The following COQ4 variants were observed in gnomAD, a reference collection of about 807,000 sequenced individuals.
The protein encoded by COQ4 is coenzyme Q4.
Under a neutral mutation model 30.2 loss-of-function variants are expected in COQ4, and 36 were observed. The observed-to-expected ratio is 1.19, with a 90% CI of 0.91 to 1.57. COQ4 has a LOEUF of 1.57. Ranked by LOEUF, COQ4 falls within the 40% of genes most tolerant of loss-of-function variation. The pLI is 0.00. For missense variants in COQ4, 369 were observed against 371.9 expected (o/e 0.99, Z 0.07); for synonymous variants, 197 against 161.0 (o/e 1.22, Z -1.69).
rs942968471 is a variant in COQ4, at chr9:128,333,475, A to G, written c.628A>G (p.Ser210Gly). ...FFGPIRLGAQSLQVLVSELIP... is the reference protein window; with the variant it reads ...FFGPIRLGAQGLQVLVSELIP... ...TCTTTTTCCTCTGCTGCCCCACAGG[A>G]GCCTGCAAGTGCTGGTCTCGGAGTT... The change falls in exon 7 of 7, where the codon AGC becomes GGC. Residue 210 changes from serine (S) to glycine (G), a missense_variant and splice_region_variant. By Grantham distance (56) the Ser-to-Gly change is moderately conservative. Coordinates refer to ENST00000300452, the MANE Select transcript of COQ4 (RefSeq NM_016035.5). 6 of 1,523,024 alleles carry G rather than the reference A, an allele frequency of 3.9e-6. No individual in the cohort carries two copies. The African/African-American group carries it at 8.4e-5, about 21-fold the overall frequency. The allele number at this position is 1,523,024 out of a possible 1,614,324, so 94.3% of individuals were successfully genotyped here. A position where few individuals can be genotyped will look rare whatever the true frequency, so the allele number is the denominator to read the frequency against.
intron 4 of COQ4, among the ~76,000 whole-genome samples, chr9:128,330,052 G>A (rs1333080171): frequency 3.3e-5 from 5 of 152,130 alleles, no homozygotes; most frequent in African/African-American, 1.2e-4. Context: ...TAGCAGACAG[G>A]CTGTCTGGAT....
intron 2 of COQ4, 125 bp downstream of exon 2, chr9:128,323,272 T>A (rs761256371): frequency 3.1e-6 from 3 of 952,574 alleles, no homozygotes; most frequent in Non-Finnish European, 4.5e-6. Context: ...GGAACGTTTA[T>A]GAAAATGCAG....
intron 4 of COQ4, chr9:128,331,926 A>G (rs1010853960): frequency 4.0e-5 from 17 of 424,196 alleles, no homozygotes; most frequent in African/African-American, 3.4e-4. Flanking sequence ...ACAGGGTTTC[A>G]CCGTATTGGT....
chr9:128,330,413 G>A (rs1041889064), intron 4 of COQ4: 2 of 152,022 alleles, frequency 1.3e-5, no homozygotes, highest in South Asian at 2.1e-4. Flanking sequence ...ATGTGAGCAC[G>A]TAGGTAATTT....
At chr9:128,328,120 G>A (rs1043964864) in intron 4 of COQ4, among the ~76,000 whole-genome samples, 1 of 152,276 alleles carries the variant, frequency 6.6e-6, no homozygotes, top group Non-Finnish European at 1.5e-5. Context: ...CAGTGTGGCC[G>A]CAGAGGAGGG....
In COQ4 at chr9:128,323,056, A is replaced by G. The variant is rs754915554; in HGVS notation, c.111A>G (p.Leu37=). The G allele has an allele frequency of 2.5e-6, 4 of 1,612,038 alleles. No homozygotes were observed. In the Admixed American group the frequency reaches 5.0e-5, roughly 20 times the overall value. Reference sequence around the variant, plus strand: ...CTAGGAGCGACGGCGCCGGCCCGCTATACTCGCACCACCTCCCCACCTCCC... The same window carrying G: ...CTAGGAGCGACGGCGCCGGCCCGCTGTACTCGCACCACCTCCCCACCTCCC... The part of the protein sequence containing the change: ...LRARSDGAGP[L]YSHHLPTSPL... Residue 37 remains leucine, a synonymous_variant, in exon 2 of 7, where the codon CTA becomes CTG. Coordinates refer to ENST00000300452, the MANE Select transcript of COQ4 (RefSeq NM_016035.5).
At chr9:128,326,550 C>T (rs1385143249) in intron 4 of COQ4, 2 of 152,170 alleles carry the variant, frequency 1.3e-5, no homozygotes, top group African/African-American at 4.8e-5. Context: ...ACACGCCATT[C>T]TCCTGCCTCA....
In COQ4 at chr9:128,332,151, A is replaced by C; in HGVS notation, c.403-2A>C. On this transcript the variant is annotated splice_acceptor_variant, in intron 4 of 6. Coordinates refer to ENST00000300452, the MANE Select transcript of COQ4 (RefSeq NM_016035.5). LOFTEE classifies it high-confidence loss of function. ...GTTCTAGGGGAGGCTCATGGTTGTC[A>C]GAGGGTCTCCCCAGACACCCGAGCA... The C allele has an allele frequency of 6.4e-7, 1 of 1,562,762 alleles. No homozygotes were observed. The highest frequency in any genetic ancestry group is 8.7e-7 in the Non-Finnish European group (1 of 1,153,156).
At position 128,332,180 on chromosome 9, in the gene COQ4, A is replaced by T; in HGVS notation, c.430A>T (p.Thr144Ser). Residue 144 changes from threonine to serine, a missense_variant, in exon 5 of 7, where the codon ACC becomes TCC. Thr to Ser is a moderately conservative substitution (Grantham distance 58). Coordinates refer to ENST00000300452, the MANE Select transcript of COQ4 (RefSeq NM_016035.5). ...GGTCTCCCCAGACACCCGAGCACCC[A>T]CCCGCTTCGTGGATGATGAGGAGCT... ...NRVSPDTRAP[T>S]RFVDDEELAY... 1 of 1,589,522 alleles carries T rather than the reference A, an allele frequency of 6.3e-7. No homozygotes were observed. Among genetic ancestry groups the T allele is most frequent in the Non-Finnish European group, 8.6e-7 (1 of 1,167,968 alleles).
intron 4 of COQ4, among the ~76,000 whole-genome samples, chr9:128,328,550 G>A (rs1000153078): frequency 3.3e-5 from 5 of 152,160 alleles, no homozygotes; most frequent in African/African-American, 1.2e-4. Flanking sequence ...GATGCCAGGA[G>A]CACCCCCCCG....
intron 2 of COQ4, among the ~76,000 whole-genome samples, chr9:128,324,317 G>C (rs1017885749): frequency 6.6e-6 from 1 of 151,590 alleles, no homozygotes; most frequent in East Asian, 1.9e-4. Context: ...TAGAGACGGC[G>C]TCTTGCCACG....
chr9:128,330,603 CTT>C (rs1832389573), intron 4 of COQ4: 1 of 151,378 alleles, frequency 6.6e-6, no homozygotes, highest in South Asian at 2.1e-4. Context: ...AAGCAATTCT[CTT>C]GTCTCAGCCT....
At chr9:128,329,486 C>G (rs1373171688) in intron 4 of COQ4, among the ~76,000 whole-genome samples, 1 of 152,196 alleles carries the variant, frequency 6.6e-6, no homozygotes, top group East Asian at 1.9e-4. Context: ...TCTCCTGCCT[C>G]AGCCTCCTGA....
At chr9:128,325,727 C>T in intron 3 of COQ4, 52 bp from the exon 4 acceptor site, 7 of 1,416,002 alleles carry the variant, frequency 4.9e-6, no homozygotes, top group South Asian at 2.4e-5. Context: ...GTAGTTGGAT[C>T]GTTCACCTAC....
At position 128,327,482 on chromosome 9, in the gene COQ4, T is replaced by C. The variant is rs138081205; in HGVS notation, c.402+1601T>C. On this transcript the variant is annotated intron_variant, in intron 4 of 6. Transcript: ENST00000300452. ...AAAAAAATTCATATAAAAATACAGG[T>C]AAAATGTTTCAAGTAATTAGAATAT... Among the ~76,000 whole-genome samples the C allele has an allele frequency of 6.6e-5, 10 of 151,824 alleles. No individual in the cohort carries two copies. The East Asian group carries it at 1.8e-3, about 27-fold the overall frequency.
chr9:128,326,290 G>A (rs991607270), intron 4 of COQ4: 18 of 272,498 alleles, frequency 6.6e-5, no homozygotes, highest in African/African-American at 3.8e-4. Context: ...CTTCACTGCT[G>A]TACTGTATCC....
At position 128,333,683 on chromosome 9, in the gene COQ4, C is replaced by T. The variant is rs370347021; in HGVS notation, c.*38C>T. ...GCGGGGCCTGGCCTACCTCCCCCATCCCCTGCTTCCCTTGGAGGCAGAGGG... is the reference window on the plus strand; with the variant it reads ...GCGGGGCCTGGCCTACCTCCCCCATTCCCTGCTTCCCTTGGAGGCAGAGGG... On this transcript the variant is annotated 3_prime_UTR_variant, in exon 7 of 7. Coordinates refer to ENST00000300452, the MANE Select transcript of COQ4 (RefSeq NM_016035.5). The T allele has an allele frequency of 1.4e-5, 21 of 1,478,646 alleles. No homozygotes were observed. The highest frequency in any genetic ancestry group is 1.3e-5 in the Non-Finnish European group (15 of 1,118,616). 91.6% of individuals were successfully genotyped at this position (1,478,646 alleles called of 1,614,324 possible). A position where few individuals can be genotyped will look rare whatever the true frequency, so the allele number is the denominator to read the frequency against.
chr9:128,333,504 C>A lies in COQ4; in HGVS notation c.657C>A (p.Ile219=). The change falls in exon 7 of 7, where the codon ATC becomes ATA. Residue 219 remains isoleucine, a synonymous_variant. Coordinates refer to ENST00000300452, the MANE Select transcript of COQ4 (RefSeq NM_016035.5). ...QSLQVLVSEL[I]PWAVQNGRRA... ...TGCAAGTGCTGGTCTCGGAGTTGAT[C>A]CCATGGGCCGTTCAGAACGGGCGCA... 2 of 1,571,468 alleles carry A rather than the reference C, an allele frequency of 1.3e-6. No homozygotes were observed. The highest frequency in any genetic ancestry group is 1.7e-6 in the Non-Finnish European group (2 of 1,161,588).
Position 128,323,038 on chromosome 9 carries a change from C to A in COQ4, c.93C>A (p.Ser31Arg). 1 of 1,612,012 alleles carries A rather than the reference C, an allele frequency of 6.2e-7. No homozygotes were observed. The highest frequency in any genetic ancestry group is 8.5e-7 in the Non-Finnish European group (1 of 1,179,798). The change falls in exon 2 of 7, where the codon AGC (serine) becomes AGA (arginine). Residue 31 changes from serine to arginine, a missense_variant. By Grantham distance (110) the Ser-to-Arg change is moderately radical. Transcript: ENST00000300452. ...CAGAAATGCCCCTCCGGGCTAGGAG[C>A]GACGGCGCCGGCCCGCTATACTCGC... ...PAAEMPLRAR[S>R]DGAGPLYSHH... is the part of the protein sequence containing the mutation.
Sources: allele counts gnomAD v4.1 joint callset (sites outside exome capture counted in the v4.1 genomes callset), GRCh38; gene constraint gnomAD v4.1.1; transcripts MANE v1.5; gene names NCBI Gene and HGNC (gene_info 2026-07-23, HGNC 2026-07-21).